CCDC102B: variants seen among roughly 807,000 people sequenced by gnomAD.
The protein encoded by CCDC102B is coiled-coil domain-containing protein 102B.
A neutral mutation model predicts 57.4 loss-of-function variants in CCDC102B; 75 were observed. That is an observed-to-expected ratio of 1.31 (90% confidence interval 1.08 to 1.58). The LOEUF (loss-of-function observed/expected upper bound fraction) is 1.58. CCDC102B is among the 40% of genes most tolerant of loss of function. The probability of loss-of-function intolerance (pLI) is 0.00; values close to 1 mark genes in which losing one functional copy is unlikely to be tolerated. For missense variants in CCDC102B, 636 were observed against 582.6 expected, an observed-to-expected ratio of 1.09 and a Z score of -0.94; for synonymous variants, 206 against 201.9, an observed-to-expected ratio of 1.02 and a Z score of -0.17.
chr18:68,760,558 C>T (rs924378361), intron 2 of CCDC102B, among the ~76,000 whole-genome samples: 1 of 152,036 alleles, frequency 6.6e-6, no homozygotes, highest in African/African-American at 2.4e-5. Flanking sequence ...TGTAATTGTA[C>T]AACAGGAGTC....
intron 6 of CCDC102B, among the ~76,000 whole-genome samples, chr18:68,917,340 G>T (rs934056205): frequency 2.6e-5 from 4 of 152,114 alleles, no homozygotes; most frequent in Non-Finnish European, 5.9e-5. Context: ...AGGATCTGAT[G>T]ATGGCTGATG....
At chr18:68,893,920 C>G (rs117819843) in intron 5 of CCDC102B, among the ~76,000 whole-genome samples, 1,791 of 152,202 alleles carry the variant, frequency 0.012, 38 homozygotes, top group East Asian at 0.081. Flanking sequence ...TCCATAACTG[C>G]ACAGACTCTT....
intron 2 of CCDC102B, among the ~76,000 whole-genome samples, chr18:68,720,287 CT>C (rs1599366871): frequency 6.6e-6 from 1 of 152,162 alleles, no homozygotes; most frequent in East Asian, 1.9e-4. Context: ...AATAATGATG[CT>C]TTTGTATCCA....
At chr18:69,031,209 C>T (rs1388174535) in intron 7 of CCDC102B, among the ~76,000 whole-genome samples, 5 of 152,206 alleles carry the variant, frequency 3.3e-5, no homozygotes, top group South Asian at 2.1e-4. Context: ...ATCATTTCAT[C>T]GTGTTATATA....
At chr18:68,856,177 T>C (rs2038376703) in intron 4 of CCDC102B, among the ~76,000 whole-genome samples, 1 of 152,220 alleles carries the variant, frequency 6.6e-6, no homozygotes, top group African/African-American at 2.4e-5. Context: ...TATATTGCAG[T>C]AATTATCGTA....
chr18:68,781,058 A>T (rs2034991006), intron 2 of CCDC102B, among the ~76,000 whole-genome samples: 1 of 152,094 alleles, frequency 6.6e-6, no homozygotes, highest in South Asian at 2.1e-4. Context: ...ATAGATAAGC[A>T]TAACTTATCT....
At chr18:68,763,434 C>A (rs936793141) in intron 2 of CCDC102B, among the ~76,000 whole-genome samples, 22 of 152,034 alleles carry the variant, frequency 1.4e-4, no homozygotes, top group African/African-American at 5.3e-4. Context: ...CAAAGCACAA[C>A]AGCTATATTT....
chr18:68,848,054 A>T (rs1281076007), intron 4 of CCDC102B, among the ~76,000 whole-genome samples: 1 of 151,810 alleles, frequency 6.6e-6, no homozygotes, highest in Non-Finnish European at 1.5e-5. Flanking sequence ...TTAAAAACTA[A>T]ACAAACAATA....
chr18:68,931,115 T>TG (rs1213950082), intron 6 of CCDC102B, among the ~76,000 whole-genome samples: 1 of 151,866 alleles, frequency 6.6e-6, no homozygotes, highest in East Asian at 1.9e-4. Context: ...ACTTACAGTG[T>TG]GATGACATTG....
intron 4 of CCDC102B, among the ~76,000 whole-genome samples, chr18:68,867,750 C>T (rs1384673570): frequency 1.3e-5 from 2 of 148,946 alleles, no homozygotes; most frequent in Non-Finnish European, 3.0e-5. Flanking sequence ...CTGGCTAACA[C>T]GGTGAAACCC....
At chr18:68,939,367 G>A (rs1599721977) in intron 6 of CCDC102B, among the ~76,000 whole-genome samples, 1 of 151,680 alleles carries the variant, frequency 6.6e-6, no homozygotes, top group Non-Finnish European at 1.5e-5. Flanking sequence ...TATCATTTAT[G>A]TTTGAACCAC....
At chr18:68,927,387 T>G (rs185521231) in intron 6 of CCDC102B, among the ~76,000 whole-genome samples, 2 of 151,964 alleles carry the variant, frequency 1.3e-5, no homozygotes, top group Non-Finnish European at 2.9e-5. Context: ...ATCTGGTAGA[T>G]AGAGGATACC....
At chr18:68,792,868 C>T (rs1360196110) in intron 2 of CCDC102B, among the ~76,000 whole-genome samples, 1 of 152,122 alleles carries the variant, frequency 6.6e-6, no homozygotes, top group Non-Finnish European at 1.5e-5. Context: ...ATAGCTTAGA[C>T]ATTTTCATAA....
At position 68,930,940 on chromosome 18, in the gene CCDC102B, T is replaced by A. The variant is rs75352091; in HGVS notation, c.1263+33512T>A. Among the ~76,000 whole-genome samples the A allele has an allele frequency of 2.4e-3, 369 of 151,722 alleles. 2 individuals carry two copies. The highest frequency in any genetic ancestry group is 4.6e-3 in the Non-Finnish European group (312 of 67,814). On this transcript the variant is annotated intron_variant, in intron 6 of 7. Coordinates refer to ENST00000360242, the MANE Select transcript of CCDC102B (RefSeq NM_024781.3). ...CACTTTTTTTTTTCAAATGAGCACA[T>A]GATTTGTTTGAAAAGTCTACTTTAT...
At chr18:68,819,149 A>G (rs758172612) in intron 1 of CCDC102B, among the ~76,000 whole-genome samples, 3 of 152,132 alleles carry the variant, frequency 2.0e-5, no homozygotes, top group African/African-American at 4.8e-5. Flanking sequence ...TTTACGGTTA[A>G]TGCTTGATAT....
intron 5 of CCDC102B, among the ~76,000 whole-genome samples, chr18:68,884,684 C>T (rs2039818227): frequency 6.7e-6 from 1 of 149,742 alleles, no homozygotes; most frequent in Non-Finnish European, 1.5e-5. Flanking sequence ...ATATATGTAT[C>T]CTCTGACCTA....
chr18:68,767,660 A>G (rs1245746881), intron 2 of CCDC102B, among the ~76,000 whole-genome samples: 1 of 152,238 alleles, frequency 6.6e-6, no homozygotes, highest in Non-Finnish European at 1.5e-5. Flanking sequence ...AGGTCATAGT[A>G]TCTCTCTGAA....
chr18:68,837,445 A>G (rs1438525624), intron 2 of CCDC102B, 76 bp downstream of exon 2: 1 of 1,392,338 alleles, frequency 7.2e-7, no homozygotes, highest in African/African-American at 1.4e-5. Context: ...GGAAGTGACA[A>G]ATGCAATGGT....
chr18:68,936,236 C>T (rs921766701), intron 6 of CCDC102B, among the ~76,000 whole-genome samples: 2 of 151,740 alleles, frequency 1.3e-5, no homozygotes, highest in East Asian at 3.9e-4. Context: ...ATCTGAAATA[C>T]TTCTGGTCCC....
Sources: gnomAD v4.1 joint callset for allele counts (sites outside exome capture counted in the v4.1 genomes callset) on GRCh38, gnomAD v4.1.1 for gene constraint, MANE v1.5 for transcripts, NCBI Gene and HGNC (gene_info 2026-07-23, HGNC 2026-07-21) for gene names.